Variants in AKAP13 observed in about 807,000 individuals in gnomAD.
AKAP13 encodes A-kinase anchoring protein 13.
A neutral mutation model predicts 264.5 loss-of-function variants in AKAP13; 80 were observed. The observed-to-expected ratio is 0.30, with a 90% CI of 0.25 to 0.36. The LOEUF (loss-of-function observed/expected upper bound fraction) is 0.36. Ranked by LOEUF, AKAP13 falls within the 10% of genes least tolerant of loss-of-function variation. The pLI is 1.00. For synonymous variants in AKAP13, 1,380 were observed against 1,250.2 expected, an observed-to-expected ratio of 1.10 and a Z score of -2.19; for missense variants, 3,712 against 3,435.2, an observed-to-expected ratio of 1.08 and a Z score of -2.01.
At chr15:85,381,660 G>C (rs1453744634) in intron 1 of AKAP13, 1 of 151,638 alleles carries the variant, frequency 6.6e-6, no homozygotes, top group Non-Finnish European at 1.5e-5. Flanking sequence ...TTATAGCAGA[G>C]TGATACCGTC....
chr15:85,657,141 C>T (rs1050733797), intron 11 of AKAP13, among the ~76,000 whole-genome samples: 2 of 119,148 alleles, frequency 1.7e-5, no homozygotes, highest in Admixed American at 1.8e-4. Context: ...GAGACCCTGT[C>T]TCAAAATAAT....
intron 14 of AKAP13, among the ~76,000 whole-genome samples, chr15:85,672,067 T>C (rs376276263): frequency 1.6e-4 from 25 of 152,320 alleles, no homozygotes; most frequent in Admixed American, 1.2e-3. Context: ...TTCTGACACA[T>C]AGAGCTTTTC....
At chr15:85,472,849 A>G (rs1338033310) in intron 1 of AKAP13, among the ~76,000 whole-genome samples, 1 of 152,254 alleles carries the variant, frequency 6.6e-6, no homozygotes, top group Admixed American at 6.5e-5. Context: ...TATAACAGAA[A>G]TGCATAATGA....
chr15:85,497,790 G>A (rs2075913915), intron 2 of AKAP13, among the ~76,000 whole-genome samples: 1 of 152,162 alleles, frequency 6.6e-6, no homozygotes, highest in Non-Finnish European at 1.5e-5. Flanking sequence ...CACTGATAAA[G>A]GAAGTATGGG....
chr15:85,615,774 C>T (rs1038211618), intron 8 of AKAP13, among the ~76,000 whole-genome samples: 15 of 152,142 alleles, frequency 9.9e-5, no homozygotes, highest in Non-Finnish European at 2.2e-4. Context: ...CTGAAACTAC[C>T]GTATCCCATG....
chr15:85,573,162 G>A (rs1245984816), intron 5 of AKAP13, among the ~76,000 whole-genome samples: 1 of 152,164 alleles, frequency 6.6e-6, no homozygotes, highest in African/African-American at 2.4e-5. Context: ...TAGCATGTCT[G>A]TAATTTCTTA....
At chr15:85,502,890 T>C (rs764409579) in intron 2 of AKAP13, among the ~76,000 whole-genome samples, 1 of 152,232 alleles carries the variant, frequency 6.6e-6, no homozygotes, top group Non-Finnish European at 1.5e-5. Context: ...TCACCTATTA[T>C]TAAGTAAAAC....
At chr15:85,646,907 A>G (rs1233444766) in intron 10 of AKAP13, among the ~76,000 whole-genome samples, 1 of 152,252 alleles carries the variant, frequency 6.6e-6, no homozygotes, top group Admixed American at 6.5e-5. Flanking sequence ...GGCTTTCCCC[A>G]CAGCAGAGAT....
chr15:85,622,002 C>G (rs939305096), intron 8 of AKAP13, among the ~76,000 whole-genome samples: 2 of 152,094 alleles, frequency 1.3e-5, no homozygotes, highest in Admixed American at 1.3e-4. Flanking sequence ...CACCCTGTTT[C>G]CAGTTTGAAA....
chr15:85,459,036 C>A (rs1160619725), intron 1 of AKAP13, among the ~76,000 whole-genome samples: 1 of 152,226 alleles, frequency 6.6e-6, no homozygotes, highest in African/African-American at 2.4e-5. Context: ...ATTCCCAAAT[C>A]TACAGCTCTA....
intron 1 of AKAP13, among the ~76,000 whole-genome samples, chr15:85,428,525 T>A (rs1007353759): frequency 1.3e-5 from 2 of 152,252 alleles, no homozygotes; most frequent in Non-Finnish European, 2.9e-5. Flanking sequence ...CTGTGAAGGC[T>A]GGAAGCTGTT....
At position 85,727,035 on chromosome 15, in the gene AKAP13, A is replaced by G. The variant is rs970533272; in HGVS notation, c.6823-31A>G. 4 of 1,612,252 alleles carry G rather than the reference A, an allele frequency of 2.5e-6. No individual in the cohort carries two copies. The highest frequency in any genetic ancestry group is 3.4e-6 in the Non-Finnish European group (4 of 1,178,554). On this transcript the variant is annotated intron_variant, in intron 27 of 36. Transcript: ENST00000394518. The surrounding 1 kb of genome is among the most constrained non-coding windows in gnomAD (Gnocchi z 5.3). ...TTCAGAGTTAGAATATTGTATATGT[A>G]TCTTTTATTTGCCCTCTTCCCTTTT...
intron 8 of AKAP13, among the ~76,000 whole-genome samples, chr15:85,611,155 C>G (rs1337130430): frequency 6.6e-6 from 1 of 152,206 alleles, no homozygotes; most frequent in African/African-American, 2.4e-5. Context: ...GCATTTCGCA[C>G]TGTTTACTAT....
chr15:85,611,744 G>A (rs1008372335), intron 8 of AKAP13, among the ~76,000 whole-genome samples: 1 of 152,180 alleles, frequency 6.6e-6, no homozygotes, highest in Non-Finnish European at 1.5e-5. Context: ...GTGAACACAA[G>A]TAACATGTTC....
At chr15:85,414,647 A>G (rs867870481) in intron 1 of AKAP13, among the ~76,000 whole-genome samples, 1 of 152,232 alleles carries the variant, frequency 6.6e-6, no homozygotes, top group Non-Finnish European at 1.5e-5. Context: ...TTGGTAGACT[A>G]CATGTTTTGT....
chr15:85,387,818 G>T (rs2070653311), intron 1 of AKAP13, among the ~76,000 whole-genome samples: 1 of 152,158 alleles, frequency 6.6e-6, no homozygotes, highest in South Asian at 2.1e-4. Context: ...TTCTGGTGTT[G>T]TTGTGAATGA....
intron 1 of AKAP13, among the ~76,000 whole-genome samples, chr15:85,421,346 T>C (rs1415074593): frequency 6.6e-6 from 1 of 152,252 alleles, no homozygotes; most frequent in Non-Finnish European, 1.5e-5. Context: ...ACTCCCTTAC[T>C]CTTCCTAACT....
At chr15:85,697,280 A>G (rs916508363) in intron 17 of AKAP13, among the ~76,000 whole-genome samples, 1 of 152,164 alleles carries the variant, frequency 6.6e-6, no homozygotes, top group African/African-American at 2.4e-5. Flanking sequence ...GTTGAAAATC[A>G]CTAAAAGGGG....
intron 1 of AKAP13, among the ~76,000 whole-genome samples, chr15:85,443,774 T>A (rs74024848): frequency 2.8e-3 from 158 of 56,868 alleles, no homozygotes; most frequent in African/African-American, 6.3e-3. Context: ...AAAAAAAAAG[T>A]GTGTGTGTGT....
Sources: allele counts gnomAD v4.1 joint callset (sites outside exome capture counted in the v4.1 genomes callset), GRCh38; gene constraint gnomAD v4.1.1; non-coding constraint Gnocchi (gnomAD v3.1); transcripts MANE v1.5; gene names NCBI Gene and HGNC (gene_info 2026-07-23, HGNC 2026-07-21).